Variants in C3orf52 observed in about 807,000 individuals in gnomAD.
C3orf52 encodes TPA-induced transmembrane protein.
C3orf52 carries 22 observed loss-of-function variants against 24.8 expected under a neutral mutation model. The observed-to-expected ratio is 0.89, with a 90% confidence interval of 0.63 to 1.27. The LOEUF is 1.27. C3orf52 is among the 50% of genes most tolerant of loss of function. The probability of loss-of-function intolerance (pLI) is 0.00; values close to 1 mark genes in which losing one functional copy is unlikely to be tolerated. For synonymous variants in C3orf52, 93 were observed against 100.2 expected (o/e 0.93, Z 0.43); for missense variants, 265 against 260.7 (o/e 1.02, Z -0.11).
At chr3:112,105,244 T>A (rs893607680) in intron 3 of C3orf52, among the ~76,000 whole-genome samples, 3 of 152,164 alleles carry the variant, frequency 2.0e-5, no homozygotes, top group African/African-American at 7.2e-5. Flanking sequence ...CAAATGAGAT[T>A]ACATAAAAAT....
downstream of C3orf52, chr3:112,133,175 T>C (rs2074500154): frequency 6.3e-7 from 1 of 1,586,778 alleles, no homozygotes; most frequent in Non-Finnish European, 8.7e-7. Flanking sequence ...CCTTCTTGCC[T>C]TGTGCTCTGA....
chr3:112,113,997 A>G (rs1037286662), intron 5 of C3orf52, among the ~76,000 whole-genome samples: 1 of 152,244 alleles, frequency 6.6e-6, no homozygotes, highest in African/African-American at 2.4e-5. Flanking sequence ...GTCCATCAGA[A>G]TCACTTTCTC....
intron 1 of C3orf52, among the ~76,000 whole-genome samples, chr3:112,090,437 G>T (rs912836288): frequency 5.9e-5 from 9 of 151,900 alleles, no homozygotes; most frequent in Non-Finnish European, 1.2e-4. Flanking sequence ...TGGGACCACA[G>T]GTGTAAACCG....
At chr3:112,111,053 A>G (rs1230596751) in intron 4 of C3orf52, among the ~76,000 whole-genome samples, 1 of 152,210 alleles carries the variant, frequency 6.6e-6, no homozygotes, top group African/African-American at 2.4e-5. Flanking sequence ...TACTAAAAAT[A>G]CAAAAATTAG....
chr3:112,088,322 A>G (rs1463107500), intron 1 of C3orf52, among the ~76,000 whole-genome samples: 1 of 152,240 alleles, frequency 6.6e-6, no homozygotes, highest in Non-Finnish European at 1.5e-5. Context: ...TAGGCTCATT[A>G]AAAAGATTCA....
At chr3:112,118,540 T>C (rs9835515), downstream of C3orf52, among the ~76,000 whole-genome samples, 2,059 of 152,342 alleles carry the variant, frequency 0.014, 47 homozygotes, top group African/African-American at 0.046. Context: ...AGCACCAAGA[T>C]GCAAGTACCT....
rs200220555 is a variant in C3orf52, at chr3:112,112,984, C to T, written c.488C>T (p.Thr163Met). Residue 163 changes from threonine to methionine, a missense_variant, in exon 5 of 6, where the codon ACG becomes ATG. Physicochemically the swap from Thr to Met is moderately conservative, Grantham distance 81. Transcript: ENST00000264848. ...TTCAGTGGTGAAAATGCCACAGTAA[C>T]GTATGACCTGCAATTTGGGGTTCCA... Reference protein sequence around the residue: ...VDFSGENATVTYDLQFGVPSD... With the variant: ...VDFSGENATVMYDLQFGVPSD... 3.0e-5 allele frequency: 49 copies of T among 1,607,296 alleles called. 1 individual carries two copies. Among genetic ancestry groups the T allele is most frequent in the Middle Eastern group, 1.7e-4 (1 of 6,056 alleles).
chr3:112,128,461 G>A, exon 5 of C3orf52: 1 of 343,194 alleles, frequency 2.9e-6, no homozygotes, highest in Non-Finnish European at 5.7e-6. Flanking sequence ...ACTATATTCT[G>A]AATTTCTCCA....
At chr3:112,094,710 G>A (rs1350185468) in intron 2 of C3orf52, among the ~76,000 whole-genome samples, 2 of 152,162 alleles carry the variant, frequency 1.3e-5, no homozygotes, top group African/African-American at 4.8e-5. Flanking sequence ...ATTTTTTAAT[G>A]ATTATTAGTA....
At chr3:112,132,561 CT>C (rs1392425842), downstream of C3orf52, 1 of 643,094 alleles carries the variant, frequency 1.6e-6, no homozygotes, top group Non-Finnish European at 1.9e-6. Flanking sequence ...ATTATTTCTA[CT>C]TAAAATAAAG....
chr3:112,095,125 C>T (rs2073914233), intron 2 of C3orf52, among the ~76,000 whole-genome samples: 4 of 152,194 alleles, frequency 2.6e-5, no homozygotes, highest in Admixed American at 2.6e-4. Context: ...GGCACCATAT[C>T]TACGTATTTA....
downstream of C3orf52, chr3:112,129,380 G>A (rs1473210850): frequency 1.3e-5 from 2 of 152,180 alleles, no homozygotes; most frequent in Non-Finnish European, 2.9e-5. Flanking sequence ...GGGCAAAAAC[G>A]ATCTGTAAGC....
downstream of C3orf52, among the ~76,000 whole-genome samples, chr3:112,119,157 CA>C (rs2107793639): frequency 6.6e-6 from 1 of 152,174 alleles, no homozygotes; most frequent in African/African-American, 2.4e-5. Flanking sequence ...CCGAGGCAGG[CA>C]GATCACCTGA....
chr3:112,113,918 C>T (rs891471546), intron 5 of C3orf52, among the ~76,000 whole-genome samples: 14 of 152,262 alleles, frequency 9.2e-5, no homozygotes, highest in South Asian at 8.3e-4. Context: ...ATACCTCGCT[C>T]GGAGGCTTGT....
chr3:112,120,721 C>T (rs556504849), downstream of C3orf52: 3 of 152,220 alleles, frequency 2.0e-5, no homozygotes, highest in African/African-American at 4.8e-5. Flanking sequence ...CCGCACACAT[C>T]GTATACAAAT....
chr3:112,118,318 C>G (rs971064235), downstream of C3orf52: 5 of 152,148 alleles, frequency 3.3e-5, no homozygotes, highest in African/African-American at 1.2e-4. Context: ...GGGCAGCTTC[C>G]TCTTCTGGGT....
At chr3:112,114,661 A>G (rs561404483) in intron 5 of C3orf52, among the ~76,000 whole-genome samples, 1 of 152,142 alleles carries the variant, frequency 6.6e-6, no homozygotes, top group East Asian at 1.9e-4. Flanking sequence ...CCGAGATCGC[A>G]TCATTGCACT....
At chr3:112,098,549 T>G (rs2073945401) in intron 2 of C3orf52, among the ~76,000 whole-genome samples, 1 of 152,232 alleles carries the variant, frequency 6.6e-6, no homozygotes, top group African/African-American at 2.4e-5. Flanking sequence ...TATCTAAAAA[T>G]AACTGTCATC....
intron 2 of C3orf52, among the ~76,000 whole-genome samples, chr3:112,100,276 C>G (rs2073960407): frequency 6.6e-6 from 1 of 152,216 alleles, no homozygotes; most frequent in Admixed American, 6.5e-5. Context: ...GGCTCTCTCT[C>G]TAGCTTAATT....
Sources: gnomAD v4.1 joint callset for allele counts (sites outside exome capture counted in the v4.1 genomes callset) on GRCh38, gnomAD v4.1.1 for gene constraint, MANE v1.5 for transcripts, NCBI Gene and HGNC (gene_info 2026-07-23, HGNC 2026-07-21) for gene names.